The following NCOR2 variants were observed in gnomAD, a reference collection of about 807,000 sequenced individuals.
NCOR2 encodes the protein CTG repeat protein 26.
NCOR2 carries 81 observed loss-of-function variants against 262.9 expected under a neutral mutation model. That is an observed-to-expected ratio of 0.31 (90% confidence interval 0.26 to 0.37). The LOEUF is 0.37. NCOR2 is among the 10% of genes least tolerant of loss of function. The pLI, the probability that NCOR2 is intolerant of heterozygous loss-of-function variation, is 1.00. For missense variants in NCOR2, 3,385 were observed against 3,621.4 expected, an observed-to-expected ratio of 0.93 and a Z score of 1.68; for synonymous variants, 1,659 against 1,559.3, an observed-to-expected ratio of 1.06 and a Z score of -1.51.
At chr12:124,494,555 G>A (rs2048276445) in intron 1 of NCOR2, among the ~76,000 whole-genome samples, 1 of 152,164 alleles carries the variant, frequency 6.6e-6, no homozygotes, top group Non-Finnish European at 1.5e-5. Flanking sequence ...AGGCAGCGAG[G>A]CCCACCTGCT....
intron 16 of NCOR2, among the ~76,000 whole-genome samples, chr12:124,392,778 G>A (rs574934878): frequency 1.4e-4 from 21 of 152,330 alleles, no homozygotes; most frequent in Non-Finnish European, 2.5e-4. Context: ...TGCCTTAGAC[G>A]CTTCATCTAT....
intron 17 of NCOR2, among the ~76,000 whole-genome samples, chr12:124,379,152 G>C (rs1462354863): frequency 6.6e-6 from 1 of 151,574 alleles, no homozygotes; most frequent in Non-Finnish European, 1.5e-5. Flanking sequence ...AGAGTGGCAG[G>C]TGCGGGGAGT....
rs146458226 is a variant in NCOR2, at chr12:124,452,609, C to A, written c.763-2742G>T. Among the ~76,000 whole-genome samples the A allele has an allele frequency of 3.1e-3, 474 of 152,372 alleles. 4 individuals carry two copies. Among genetic ancestry groups the A allele is most frequent in the African/African-American group, 0.01 (416 of 41,592 alleles). ...AAGATAGCAAACAGCCGAAGGGGGC[C>A]AGAAAGGGGCTGGAAGCCCACAGCA... On this transcript the variant is annotated intron_variant, in intron 6 of 46. Coordinates refer to ENST00000405201, the Ensembl canonical transcript of NCOR2.
At chr12:124,357,783 T>C (rs1461308623) in intron 22 of NCOR2, among the ~76,000 whole-genome samples, 3 of 152,358 alleles carry the variant, frequency 2.0e-5, no homozygotes, top group African/African-American at 7.2e-5. Context: ...TTGAAGGAGG[T>C]AACCTGTGAT....
chr12:124,379,337 C>T (rs967839130), intron 17 of NCOR2, among the ~76,000 whole-genome samples: 2 of 152,234 alleles, frequency 1.3e-5, no homozygotes, highest in African/African-American at 4.8e-5. Flanking sequence ...CATCAAACCA[C>T]TCGTCTTGGT....
intron 7 of NCOR2, among the ~76,000 whole-genome samples, chr12:124,442,855 A>G (rs943980640): frequency 3.9e-5 from 6 of 152,174 alleles, no homozygotes; most frequent in African/African-American, 1.4e-4. Flanking sequence ...ACTTATGAAA[A>G]GGGGAAATTT....
At chr12:124,460,065 C>G (rs1398384387) in intron 5 of NCOR2, among the ~76,000 whole-genome samples, 1 of 152,220 alleles carries the variant, frequency 6.6e-6, no homozygotes, top group Non-Finnish European at 1.5e-5. Context: ...GGCGGTCCAC[C>G]TCCCTCGACC....
intron 17 of NCOR2, among the ~76,000 whole-genome samples, chr12:124,380,370 CT>C (rs2040317828): frequency 6.6e-6 from 1 of 152,254 alleles, no homozygotes; most frequent in African/African-American, 2.4e-5. Context: ...AGGGAAACGA[CT>C]GCTCGTCCGT....
Position 124,340,095 on chromosome 12 carries a change from A to T in NCOR2, c.5598T>A (p.Asp1866Glu), listed in dbSNP as rs369062283. The T allele has an allele frequency of 3.2e-5, 52 of 1,612,788 alleles. No homozygotes were observed. Among genetic ancestry groups the T allele is most frequent in the Admixed American group, 2.2e-4 (13 of 60,002 alleles). Reference sequence around the variant, plus strand: ...GCACACTGGGTCTCTGCTGGAGGGCATCCTGGGTCCGAGGGGAGATGGGCG... The same window carrying T: ...GCACACTGGGTCTCTGCTGGAGGGCTTCCTGGGTCCGAGGGGAGATGGGCG... Residue 1866 changes from aspartate to glutamate, a missense_variant, in exon 37 of 47, where the codon GAT (aspartate) becomes GAA (glutamate). Physicochemically the swap from Asp to Glu is conservative, Grantham distance 45. Transcript: ENST00000405201.
chr12:124,433,437 G>A (rs1449605179), intron 8 of NCOR2, among the ~76,000 whole-genome samples: 3 of 152,384 alleles, frequency 2.0e-5, no homozygotes, highest in Admixed American at 1.3e-4. Context: ...ACAGGCCACT[G>A]GCCAGCGGGG....
At chr12:124,388,707 C>T in intron 16 of NCOR2, 3 of 1,304,472 alleles carry the variant, frequency 2.3e-6, no homozygotes, top group Non-Finnish European at 2.0e-6. Flanking sequence ...GCGTCTCCCC[C>T]TCGGCCAAGT....
intron 22 of NCOR2, among the ~76,000 whole-genome samples, chr12:124,357,740 G>GGCCT (rs1311269918): frequency 6.6e-6 from 1 of 152,274 alleles, no homozygotes; most frequent in Non-Finnish European, 1.5e-5. Flanking sequence ...GCTCTTTGCA[G>GGCCT]GAAAAGCTTG....
In NCOR2 at chr12:124,490,628, C is replaced by G. The variant is rs565548405; in HGVS notation, c.106-4060G>C. The stretch of plus-strand genomic sequence containing the variant: ...GGGGCCATGAAGCTAATGGAGAGAC[C>G]CCCCCCAGGGCACTCAGGACACTGC... On this transcript the variant is annotated intron_variant, in intron 1 of 46. Transcript: ENST00000405201. 4.6e-5 allele frequency among the ~76,000 whole-genome samples: 7 copies of G among 152,184 alleles called. No individual in the cohort carries two copies. The South Asian group carries it at 1.2e-3, about 27-fold the overall frequency.
At chr12:124,325,668 G>A (rs1402245801) in intron 46 of NCOR2, 85 bp from the exon 49 acceptor site, 8 of 951,484 alleles carry the variant, frequency 8.4e-6, no homozygotes, top group Non-Finnish European at 1.1e-5. Context: ...ACCGGGAACA[G>A]AGGCCTCAGC....
Position 124,357,705 on chromosome 12 carries a change from C to G in NCOR2, c.3101-923G>C, listed in dbSNP as rs73419887. On this transcript the variant is annotated intron_variant, in intron 22 of 46. Coordinates refer to ENST00000405201, the Ensembl canonical transcript of NCOR2. ...CTTGCAACAGAGATTGTCTGGCCCA[C>G]AAAGCCTAAAATGTTCACTCTCCGG... is the stretch of plus-strand genomic sequence containing the variant. Among the ~76,000 whole-genome samples, 7 of 152,396 alleles carry G rather than the reference C, an allele frequency of 4.6e-5. No individual in the cohort carries two copies. The East Asian group carries it at 9.6e-4, about 21-fold the overall frequency.
intron 11 of NCOR2, 86 bp from the exon 14 acceptor site, chr12:124,422,641 C>T: frequency 6.6e-7 from 1 of 1,526,276 alleles, no homozygotes. Context: ...CGCCTGCCAT[C>T]CCCACTGGCC....
intron 20 of NCOR2, among the ~76,000 whole-genome samples, chr12:124,371,046 C>G (rs1223987399): frequency 6.6e-6 from 1 of 152,190 alleles, no homozygotes; most frequent in Non-Finnish European, 1.5e-5. Context: ...GCAGCTGCCT[C>G]CTGACTGTGC....
intron 31 of NCOR2, among the ~76,000 whole-genome samples, chr12:124,345,845 A>G (rs1593147635): frequency 6.6e-6 from 1 of 152,142 alleles, no homozygotes; most frequent in East Asian, 1.9e-4. Context: ...ACAGCCCCAC[A>G]GCCCCGTGGT....
At position 124,481,398 on chromosome 12, in the gene NCOR2, C is replaced by G. The variant is rs2047476374; in HGVS notation, c.411+2198G>C. Among the ~76,000 whole-genome samples the G allele has an allele frequency of 6.6e-6, 1 of 152,142 alleles. No individual in the cohort carries two copies. ...GGGCCCCTGTGGCTGAATCTCACAC[C>G]CCAGGAGGACGTGGTGGGGCTGCAG... On this transcript the variant is annotated intron_variant, in intron 3 of 46. Coordinates refer to ENST00000405201, the Ensembl canonical transcript of NCOR2. This position sits in a 1 kb window ranked among gnomAD's most constrained non-coding sequence, Gnocchi z 4.6.
Sources: allele counts gnomAD v4.1 joint callset (sites outside exome capture counted in the v4.1 genomes callset), GRCh38; gene constraint gnomAD v4.1.1; non-coding constraint Gnocchi (gnomAD v3.1); transcripts MANE v1.5; gene names NCBI Gene and HGNC (gene_info 2026-07-23, HGNC 2026-07-21).